Variants in NLGN4X observed in about 807,000 individuals in gnomAD.
The protein encoded by NLGN4X is neuroligin-4, X-linked.
Under a neutral mutation model 40.3 loss-of-function variants are expected in NLGN4X, and 3 were observed. The observed-to-expected ratio is 0.07, with a 90% CI of 0.03 to 0.19. The LOEUF (loss-of-function observed/expected upper bound fraction) is 0.19, where lower values mean the gene tolerates loss of function less well. NLGN4X is among the 10% of genes least tolerant of loss of function. The pLI is 1.00. For missense variants in NLGN4X, 382 were observed against 708.3 expected (o/e 0.54, Z 5.23); for synonymous variants, 270 against 306.8 (o/e 0.88, Z 1.25).
At chrX:5,932,883 G>A (rs2033600516) in intron 3 of NLGN4X, among the ~76,000 whole-genome samples, 1 of 111,186 alleles carries the variant, frequency 9.0e-6, no homozygotes, top group Admixed American at 9.6e-5. Context: ...ACCTTATTTT[G>A]AATGGGCTCA....
chrX:6,140,474 ACAC>A (rs2039924906), intron 2 of NLGN4X, among the ~76,000 whole-genome samples: 1 of 87,253 alleles, frequency 1.1e-5, no homozygotes, highest in African/African-American at 4.2e-5. Flanking sequence ...ACACACACAC[ACAC>A]ACACACACAC....
chrX:6,023,820 G>A (rs970404010), intron 3 of NLGN4X, among the ~76,000 whole-genome samples: 2 of 111,982 alleles, frequency 1.8e-5, no homozygotes, highest in African/African-American at 6.5e-5. Context: ...TGAGCTAAAC[G>A]GAAATACATA....
intron 3 of NLGN4X, among the ~76,000 whole-genome samples, chrX:5,909,723 CCTGT>C (rs71853983): frequency 0.14 from 15,801 of 109,732 alleles, 926 homozygotes; most frequent in African/African-American, 0.18. Flanking sequence ...GCAGTGTGCG[CCTGT>C]CTTTCTCACT....
At chrX:6,037,240 A>T (rs2037037287) in intron 2 of NLGN4X, among the ~76,000 whole-genome samples, 1 of 109,698 alleles carries the variant, frequency 9.1e-6, no homozygotes, top group Non-Finnish European at 1.9e-5. Flanking sequence ...TGGGAGGTGG[A>T]GGTTGCAGTG....
rs941065890 is a variant in NLGN4X, at chrX:6,151,700, T to C, written c.-234A>G. ...AATCCTGAAACTGGATTCCAGCAACTGCAATGCTCCAAGGAAGCTGTGATC... is the reference window on the plus strand; with the variant it reads ...AATCCTGAAACTGGATTCCAGCAACCGCAATGCTCCAAGGAAGCTGTGATC... On this transcript the variant is annotated 5_prime_UTR_variant, in exon 2 of 6. Coordinates refer to ENST00000381095, the MANE Select transcript of NLGN4X (RefSeq NM_181332.3). 27 of 422,823 alleles carry C rather than the reference T, an allele frequency of 6.4e-5. No homozygotes were observed. In the Admixed American group the frequency reaches 8.5e-4, roughly 13 times the overall value. The allele number at this position is 422,823 out of a possible 1,213,427, so 34.8% of individuals were successfully genotyped here.
chrX:5,967,990 C>CAT (rs1419704077), intron 3 of NLGN4X, among the ~76,000 whole-genome samples: 2 of 111,381 alleles, frequency 1.8e-5, no homozygotes, highest in African/African-American at 3.3e-5. Flanking sequence ...TGTCAAGGAA[C>CAT]ATTTCATCCC....
At chrX:6,093,962 T>C (rs911357708) in intron 2 of NLGN4X, among the ~76,000 whole-genome samples, 1 of 111,925 alleles carries the variant, frequency 8.9e-6, no homozygotes, top group Non-Finnish European at 1.9e-5. Flanking sequence ...AAGAAACCTA[T>C]TTTCAATTTT....
chrX:5,919,985 C>T (rs2032967703), intron 3 of NLGN4X, among the ~76,000 whole-genome samples: 1 of 112,006 alleles, frequency 8.9e-6, no homozygotes, highest in Non-Finnish European at 1.9e-5. Flanking sequence ...TCAATACATT[C>T]TCTTGCGGTT....
rs1233986028 is a variant in NLGN4X, at chrX:6,029,290, C to T, written c.615G>A (p.Leu205=). Residue 205 remains leucine, a synonymous_variant, in exon 3 of 6, where the codon CTG becomes CTA. Transcript: ENST00000381095. The stretch of plus-strand genomic sequence containing the variant: ...GATGAAATCACTTACCTAGTATTCC[C>T]AGACGGTAGTTAATGGTGATCACGA... ...NVIVITINYR[L]GILGFLSTGD... is the part of the protein sequence containing the mutation. The T allele has an allele frequency of 8.3e-7, 1 of 1,209,356 alleles. No individual in the cohort carries two copies. The highest frequency in any genetic ancestry group is 1.8e-5 in the African/African-American group (1 of 57,082).
chrX:6,048,468 T>A (rs906363408), intron 2 of NLGN4X, among the ~76,000 whole-genome samples: 2 of 111,645 alleles, frequency 1.8e-5, no homozygotes, highest in Non-Finnish European at 3.8e-5. Flanking sequence ...TTCAAAGATG[T>A]TATTAAAGAA....
chrX:6,207,027 T>TTCTCTC (rs111244462), intron 1 of NLGN4X, among the ~76,000 whole-genome samples: 9,438 of 107,338 alleles, frequency 0.088, 389 homozygotes, highest in East Asian at 0.15. Flanking sequence ...TTGCACTAGA[T>TTCTCTC]TCTCTCTCTC....
chrX:5,893,465 G>C lies in NLGN4X; in HGVS notation c.1803C>G (p.Asn601Lys). 1 of 1,201,451 alleles carries C rather than the reference G, an allele frequency of 8.3e-7. No homozygotes were observed. Among genetic ancestry groups the C allele is most frequent in the Non-Finnish European group, 1.1e-6 (1 of 887,796 alleles). Residue 601 changes from asparagine to lysine, a missense_variant, in exon 6 of 6, where the codon AAC (asparagine) becomes AAG (lysine). Asn to Lys is a moderately conservative substitution (Grantham distance 94). Transcript: ENST00000381095. Reference protein sequence around the residue: ...LELVPHLHNLNEIFQYVSTTT... With the variant: ...LELVPHLHNLKEIFQYVSTTT... ...TTGTTGAAACATACTGGAATATCTC[G>C]TTCAAGTTGTGCAAATGAGGAACGA...
intron 2 of NLGN4X, among the ~76,000 whole-genome samples, chrX:6,140,457 G>GACACACACACACACACAC (rs34281533): frequency 1.0e-5 from 1 of 96,005 alleles, no homozygotes; most frequent in African/African-American, 3.7e-5. Flanking sequence ...TTCACACACA[G>GACACACACACACACACAC]ACACACACAC....
At chrX:5,961,480 C>CATAT (rs1371167142) in intron 3 of NLGN4X, among the ~76,000 whole-genome samples, 1 of 112,057 alleles carries the variant, frequency 8.9e-6, no homozygotes, top group Admixed American at 9.5e-5. Flanking sequence ...TTGAAATTCG[C>CATAT]ATATACACAG....
At chrX:5,997,655 T>TATAA (rs2035868303) in intron 3 of NLGN4X, among the ~76,000 whole-genome samples, 2 of 8,277 alleles carry the variant, frequency 2.4e-4, no homozygotes, top group South Asian at 4.2e-3. Context: ...TATATATATA[T>TATAA]AATAGCCTTT....
At chrX:5,977,825 T>C (rs887080064) in intron 3 of NLGN4X, among the ~76,000 whole-genome samples, 4 of 111,787 alleles carry the variant, frequency 3.6e-5, no homozygotes, top group African/African-American at 1.3e-4. Flanking sequence ...CCTCAGTCTT[T>C]TCCATGACAT....
chrX:6,049,730 TGGGGG>T (rs34737559), intron 2 of NLGN4X, among the ~76,000 whole-genome samples: 7 of 14,384 alleles, frequency 4.9e-4, no homozygotes, highest in African/African-American at 7.0e-4. Flanking sequence ...AAAAATAAAA[TGGGGG>T]GGGGGGGCGG....
chrX:6,013,988 C>T (rs1323849197), intron 3 of NLGN4X, among the ~76,000 whole-genome samples: 2 of 110,534 alleles, frequency 1.8e-5, no homozygotes, highest in Non-Finnish European at 3.8e-5. Flanking sequence ...CAACACCATC[C>T]TGGCCAACAT....
intron 3 of NLGN4X, among the ~76,000 whole-genome samples, chrX:5,956,446 A>C (rs1168271327): frequency 9.0e-6 from 1 of 111,337 alleles, no homozygotes; most frequent in Non-Finnish European, 1.9e-5. Context: ...AAATTTATAT[A>C]AGTTATGCAC....
Sources: gnomAD v4.1 joint callset for allele counts (sites outside exome capture counted in the v4.1 genomes callset) on GRCh38, gnomAD v4.1.1 for gene constraint, MANE v1.5 for transcripts, NCBI Gene and HGNC (gene_info 2026-07-23, HGNC 2026-07-21) for gene names.